Variants in MSRA observed in about 807,000 individuals in gnomAD.
MSRA encodes the protein mitochondrial peptide methionine sulfoxide reductase.
Under a neutral mutation model 31.3 loss-of-function variants are expected in MSRA, and 54 were observed. That is an observed-to-expected ratio of 1.73 (90% CI 1.39 to 2.17). MSRA has a LOEUF of 2.17. MSRA is among the 30% of genes most tolerant of loss of function. The pLI is 0.00. For synonymous variants in MSRA, 169 were observed against 116.5 expected (o/e 1.45, Z -2.90); for missense variants, 507 against 300.9 (o/e 1.69, Z -5.07).
chr8:10,291,844 A>G (rs952805011), intron 3 of MSRA, among the ~76,000 whole-genome samples: 1 of 152,190 alleles, frequency 6.6e-6, no homozygotes, highest in African/African-American at 2.4e-5. Context: ...CTTATAGGAT[A>G]AATAAACTAA....
At chr8:10,070,596 A>G (rs1797683559) in intron 1 of MSRA, among the ~76,000 whole-genome samples, 1 of 152,198 alleles carries the variant, frequency 6.6e-6, no homozygotes, top group African/African-American at 2.4e-5. Context: ...CAATATACAG[A>G]ACAGTTCTGC....
intron 3 of MSRA, among the ~76,000 whole-genome samples, chr8:10,271,157 T>G (rs1239972233): frequency 6.6e-6 from 1 of 152,104 alleles, no homozygotes; most frequent in African/African-American, 2.4e-5. Context: ...AAACAGCTTT[T>G]TAAAAGTGGG....
intron 3 of MSRA, among the ~76,000 whole-genome samples, chr8:10,263,652 C>T (rs1272298365): frequency 5.9e-5 from 9 of 152,120 alleles, no homozygotes; most frequent in Non-Finnish European, 1.3e-4. Flanking sequence ...TGGCTGGCCC[C>T]TTGAGGCTTC....
chr8:10,094,531 C>G (rs1232932242), intron 1 of MSRA, among the ~76,000 whole-genome samples: 2 of 152,158 alleles, frequency 1.3e-5, no homozygotes, highest in Non-Finnish European at 2.9e-5. Flanking sequence ...GGTAAATGAG[C>G]AAACTGAGGA....
intron 5 of MSRA, among the ~76,000 whole-genome samples, chr8:10,342,183 T>G (rs1803470223): frequency 6.6e-6 from 1 of 152,226 alleles, no homozygotes; most frequent in African/African-American, 2.4e-5. Flanking sequence ...CTCATTTGTT[T>G]CCATGGGTCT....
chr8:10,354,805 A>G lies in MSRA; in HGVS notation c.543+34816A>G, dbSNP rs192453990. 3.3e-3 allele frequency among the ~76,000 whole-genome samples: 481 copies of G among 146,712 alleles called. 4 individuals are homozygous for G. The highest frequency in any genetic ancestry group is 0.011 in the African/African-American group (454 of 39,556). Reference sequence around the variant, plus strand: ...CAGTTATATAATAAAATGTTATTTTATTGTTATCACTATGTAGTCTCATTG... The same window carrying G: ...CAGTTATATAATAAAATGTTATTTTGTTGTTATCACTATGTAGTCTCATTG... On this transcript the variant is annotated intron_variant, in intron 5 of 5. Transcript: ENST00000317173.
At chr8:10,149,431 T>C (rs1803463626) in intron 1 of MSRA, among the ~76,000 whole-genome samples, 1 of 152,104 alleles carries the variant, frequency 6.6e-6, no homozygotes, top group African/African-American at 2.4e-5. Flanking sequence ...GCTGAGAAAT[T>C]CTTTATGCAA....
intron 1 of MSRA, among the ~76,000 whole-genome samples, chr8:10,203,695 C>G (rs767316395): frequency 6.6e-6 from 1 of 152,138 alleles, no homozygotes; most frequent in Non-Finnish European, 1.5e-5. Context: ...ATTTGCTATA[C>G]TATACTTTTT....
chr8:10,261,338 G>A (rs1339156149), intron 3 of MSRA, among the ~76,000 whole-genome samples: 2 of 149,264 alleles, frequency 1.3e-5, no homozygotes, highest in Non-Finnish European at 3.0e-5. Flanking sequence ...ATACAGTGGT[G>A]AACAGGATAA....
At chr8:10,175,206 C>G (rs1367747358) in intron 1 of MSRA, among the ~76,000 whole-genome samples, 1 of 152,170 alleles carries the variant, frequency 6.6e-6, no homozygotes, top group African/African-American at 2.4e-5. Flanking sequence ...ACACTGCATC[C>G]CTTCCCTGAA....
chr8:10,428,202 A>G lies in MSRA; in HGVS notation c.598A>G (p.Thr200Ala). ...PITTDIREGQ[T>A]FYYAEDYHQQ... ...CACTACCGACATCCGGGAGGGACAG[A>G]CTTTCTACTATGCGGAAGACTACCA... is the stretch of plus-strand genomic sequence containing the variant. Residue 200 changes from threonine (T) to alanine (A), a missense_variant, in exon 6 of 6, where the codon ACT becomes GCT. Physicochemically the swap from Thr to Ala is moderately conservative, Grantham distance 58 (BLOSUM62 0). Transcript: ENST00000317173. The G allele has an allele frequency of 6.2e-7, 1 of 1,614,162 alleles. No homozygotes were observed. Among genetic ancestry groups the G allele is most frequent in the African/African-American group, 1.3e-5 (1 of 75,038 alleles).
At chr8:10,230,831 C>T (rs1328177845) in intron 2 of MSRA, among the ~76,000 whole-genome samples, 1 of 152,150 alleles carries the variant, frequency 6.6e-6, no homozygotes, top group Admixed American at 6.5e-5. Context: ...GTTGCCCAGG[C>T]TGGAGTATAA....
intron 5 of MSRA, among the ~76,000 whole-genome samples, chr8:10,346,527 C>G (rs1391351272): frequency 6.6e-6 from 1 of 152,192 alleles, no homozygotes; most frequent in African/African-American, 2.4e-5. Flanking sequence ...TGAATCAGAG[C>G]TTGCTACATC....
At chr8:10,364,895 C>T (rs1272483385) in intron 5 of MSRA, among the ~76,000 whole-genome samples, 1 of 152,140 alleles carries the variant, frequency 6.6e-6, no homozygotes, top group African/African-American at 2.4e-5. Context: ...ACTGTGAATC[C>T]TTCCTCCCCA....
chr8:10,241,416 T>C (rs1395408636), intron 2 of MSRA, among the ~76,000 whole-genome samples: 1 of 152,152 alleles, frequency 6.6e-6, no homozygotes, highest in South Asian at 2.1e-4. Flanking sequence ...CGATCAAATA[T>C]GTTTAAATGA....
intron 1 of MSRA, among the ~76,000 whole-genome samples, chr8:10,149,674 C>G (rs1013783300): frequency 1.3e-5 from 2 of 151,892 alleles, no homozygotes; most frequent in South Asian, 4.2e-4. Flanking sequence ...ACAGGCTGTC[C>G]ATTTGTAGTG....
intron 1 of MSRA, among the ~76,000 whole-genome samples, chr8:10,149,688 G>T (rs971207330): frequency 1.3e-5 from 2 of 151,876 alleles, no homozygotes; most frequent in Admixed American, 6.6e-5. Flanking sequence ...TGTAGTGGTG[G>T]TATGGAGTTC....
intron 5 of MSRA, among the ~76,000 whole-genome samples, chr8:10,418,589 A>G (rs371586856): frequency 6.6e-6 from 1 of 152,032 alleles, no homozygotes; most frequent in Admixed American, 6.6e-5. Flanking sequence ...AGAGTGTCCA[A>G]AGCATTCACT....
chr8:10,180,489 G>C lies in MSRA; in HGVS notation c.143-27344G>C, dbSNP rs570862686. ...CTCTTCCCTCCTCAGAGGTTGGAGA[G>C]TGGGGCTGAAACTTCCAATCCTCTA... On this transcript the variant is annotated intron_variant, in intron 1 of 5. Coordinates refer to ENST00000317173, the MANE Select transcript of MSRA (RefSeq NM_012331.5). 2.0e-5 allele frequency among the ~76,000 whole-genome samples: 3 copies of C among 152,274 alleles called. No individual in the cohort carries two copies. The East Asian group carries it at 5.8e-4, about 29-fold the overall frequency.
Sources: allele counts gnomAD v4.1 joint callset (sites outside exome capture counted in the v4.1 genomes callset), GRCh38; gene constraint gnomAD v4.1.1; transcripts MANE v1.5; gene names NCBI Gene and HGNC (gene_info 2026-07-23, HGNC 2026-07-21).